RAB28: variants seen among roughly 807,000 people sequenced by gnomAD.
RAB28 encodes the protein RAB28, member RAS oncogene family.
RAB28 carries 24 observed loss-of-function variants against 31.7 expected under a neutral mutation model. The observed-to-expected ratio is 0.76, with a 90% confidence interval of 0.55 to 1.06. The LOEUF is 1.06. Among genes scored for constraint, RAB28 ranks in the 50% least tolerant of loss-of-function variants. The pLI, the probability that RAB28 is intolerant of heterozygous loss-of-function variation, is 0.00. For missense variants in RAB28, 254 were observed against 258.5 expected (o/e 0.98, Z 0.12); for synonymous variants, 100 against 90.4 (o/e 1.11, Z -0.60).
intron 4 of RAB28, among the ~76,000 whole-genome samples, chr4:13,460,212 A>G (rs1375823637): frequency 3.9e-5 from 6 of 152,130 alleles, no homozygotes; most frequent in Non-Finnish European, 7.4e-5. Flanking sequence ...TAAACCACAA[A>G]CATTATTTCT....
Position 13,368,580 on chromosome 4 carries a change from C to A in RAB28, c.644G>T (p.Ser215Ile), listed in dbSNP as rs770483156. The A allele has an allele frequency of 6.2e-7, 1 of 1,612,044 alleles. No homozygotes were observed. Among genetic ancestry groups the A allele is most frequent in the Non-Finnish European group, 8.5e-7 (1 of 1,178,956 alleles). The change falls in exon 7 of 7, where the codon AGC becomes ATC. Residue 215 changes from serine (S) to isoleucine (I), a missense_variant. Physicochemically the swap from Ser to Ile is moderately radical, Grantham distance 142. Coordinates refer to ENST00000330852, the MANE Select transcript of RAB28 (RefSeq NM_001017979.3). The stretch of plus-strand genomic sequence containing the variant: ...CGCTCACTGAACTGCACACATAGAG[C>A]TTCTAGGAGGGTTAACAGTCCTTGA... ...PMSRTVNPPRSSMCAVQ is the reference protein window; with the variant it reads ...PMSRTVNPPRISMCAVQ
intron 4 of RAB28, among the ~76,000 whole-genome samples, chr4:13,440,426 CTAT>C (rs1560294177): frequency 1.3e-5 from 2 of 151,760 alleles, no homozygotes; most frequent in Non-Finnish European, 2.9e-5. Flanking sequence ...TTTGATTCTA[CTAT>C]TATCAAAAAA....
intron 4 of RAB28, among the ~76,000 whole-genome samples, chr4:13,405,777 G>C (rs968166741): frequency 3.3e-5 from 5 of 152,110 alleles, no homozygotes; most frequent in African/African-American, 4.8e-5. Context: ...TTTCATGATA[G>C]AGCACTAACA....
chr4:13,457,672 T>G (rs1298990725), intron 4 of RAB28, among the ~76,000 whole-genome samples: 1 of 152,132 alleles, frequency 6.6e-6, no homozygotes, highest in East Asian at 1.9e-4. Context: ...ACTGTATTAA[T>G]TTCTTGCATA....
intron 4 of RAB28, among the ~76,000 whole-genome samples, chr4:13,441,537 T>C (rs959625494): frequency 2.0e-5 from 3 of 152,206 alleles, no homozygotes; most frequent in Non-Finnish European, 4.4e-5. Flanking sequence ...GATACCTAAA[T>C]AAAAGCTTAT....
chr4:13,370,347 G>A (rs2108872519), intron 6 of RAB28: 2 of 948,756 alleles, frequency 2.1e-6, no homozygotes, highest in Non-Finnish European at 2.5e-6. Flanking sequence ...CTATGTTAAA[G>A]TGCAATAAAA....
chr4:13,371,354 T>C (rs1316500412), intron 6 of RAB28: 26 of 985,204 alleles, frequency 2.6e-5, no homozygotes, highest in Non-Finnish European at 3.1e-5. Context: ...AACCTAACTG[T>C]TTCATGCCAA....
intron 4 of RAB28, among the ~76,000 whole-genome samples, chr4:13,421,558 T>C (rs550420371): frequency 2.9e-4 from 44 of 152,084 alleles, no homozygotes; most frequent in Middle Eastern, 3.4e-3. Flanking sequence ...AAAAGAGAGA[T>C]AGAACAATCT....
At chr4:13,369,409 CT>C (rs760741624) in intron 6 of RAB28, among the ~76,000 whole-genome samples, 175 of 152,198 alleles carry the variant, frequency 1.1e-3, no homozygotes, top group South Asian at 3.9e-3. Context: ...TAGCAATATG[CT>C]TAATATTCAT....
At chr4:13,368,810 CAAAG>C (rs1395212206) in intron 6 of RAB28, among the ~76,000 whole-genome samples, 160 bp from the exon 7 acceptor site, 1 of 149,296 alleles carries the variant, frequency 6.7e-6, no homozygotes, top group Non-Finnish European at 1.5e-5. Context: ...GACAAACAAA[CAAAG>C]AGTGGATTTT....
At chr4:13,471,489 T>TA (rs1327364794) in intron 3 of RAB28, among the ~76,000 whole-genome samples, 1 of 152,034 alleles carries the variant, frequency 6.6e-6, no homozygotes, top group Admixed American at 6.6e-5. Context: ...AAAAAAGTTA[T>TA]TATATTATCA....
At chr4:13,483,260 T>TA (rs1716695815) in intron 1 of RAB28, among the ~76,000 whole-genome samples, 1 of 152,094 alleles carries the variant, frequency 6.6e-6, no homozygotes, top group South Asian at 2.1e-4. Flanking sequence ...TAGGAGATAA[T>TA]AAGACTGACG....
At chr4:13,462,208 C>A (rs1715621668) in intron 3 of RAB28, among the ~76,000 whole-genome samples, 1 of 152,132 alleles carries the variant, frequency 6.6e-6, no homozygotes, top group African/African-American at 2.4e-5. Flanking sequence ...CAGGGCCCAG[C>A]AGGGGTGACA....
At chr4:13,483,982 C>T (rs1209528736) in intron 1 of RAB28, 94 bp downstream of exon 1, 4 of 1,229,212 alleles carry the variant, frequency 3.3e-6, no homozygotes, top group African/African-American at 1.5e-5. Context: ...CCCGAGGGCT[C>T]GGGGTAACGA....
intron 4 of RAB28, among the ~76,000 whole-genome samples, chr4:13,438,798 T>C (rs1714263795): frequency 6.6e-6 from 1 of 150,770 alleles, no homozygotes; most frequent in Non-Finnish European, 1.5e-5. Flanking sequence ...GTAGAACTGT[T>C]AGGTCATAAG....
At chr4:13,459,003 C>T (rs1046000216) in intron 4 of RAB28, among the ~76,000 whole-genome samples, 25 of 152,206 alleles carry the variant, frequency 1.6e-4, no homozygotes, top group African/African-American at 6.0e-4. Context: ...GAGGCAGACT[C>T]ACCCTCAATC....
At chr4:13,432,897 C>T (rs549231229) in intron 4 of RAB28, among the ~76,000 whole-genome samples, 6 of 150,892 alleles carry the variant, frequency 4.0e-5, no homozygotes, top group African/African-American at 1.2e-4. Flanking sequence ...AATACTATGA[C>T]AAAAACTGAA....
intron 4 of RAB28, among the ~76,000 whole-genome samples, chr4:13,414,167 C>T (rs1215680594): frequency 6.6e-6 from 1 of 152,194 alleles, no homozygotes; most frequent in African/African-American, 2.4e-5. Flanking sequence ...TATAGTTCAT[C>T]TCTGGTCCCT....
At position 13,479,515 on chromosome 4, in the gene RAB28, A is replaced by T. The variant is rs1716513818; in HGVS notation, c.87T>A (p.Thr29=). ...GDGASGKTSL[T]TCFAQETFGK... is the part of the protein sequence containing the mutation. ...CAAAAGTTTCTTGAGCAAAACACGT[A>T]GTTAAGGAGGTCTAAAAAATTGATG... Residue 29 remains threonine, a synonymous_variant, in exon 2 of 7, where the codon ACT becomes ACA. Coordinates refer to ENST00000330852, the MANE Select transcript of RAB28 (RefSeq NM_001017979.3). The T allele has an allele frequency of 1.2e-6, 2 of 1,601,646 alleles. No individual in the cohort carries two copies. Among genetic ancestry groups the T allele is most frequent in the Non-Finnish European group, 8.5e-7 (1 of 1,170,596 alleles).
Sources: allele counts gnomAD v4.1 joint callset (sites outside exome capture counted in the v4.1 genomes callset), GRCh38; gene constraint gnomAD v4.1.1; transcripts MANE v1.5; gene names NCBI Gene and HGNC (gene_info 2026-07-23, HGNC 2026-07-21).